The following RHEB variants were observed in gnomAD, a reference collection of about 807,000 sequenced individuals.
RHEB encodes GTP-binding protein Rheb.
In RHEB, 2 loss-of-function variants were observed where a neutral mutation model predicts 28.8. The observed-to-expected ratio is 0.07, with a 90% CI of 0.03 to 0.22. The LOEUF (loss-of-function observed/expected upper bound fraction) is 0.22. Among genes scored for constraint, RHEB ranks in the 10% least tolerant of loss-of-function variants. The pLI is 1.00. For missense variants in RHEB, 76 were observed against 219.9 expected, an observed-to-expected ratio of 0.35 and a Z score of 4.14; for synonymous variants, 69 against 77.3, an observed-to-expected ratio of 0.89 and a Z score of 0.56.
chr7:151,500,669 C>G (rs1193620062), intron 1 of RHEB, among the ~76,000 whole-genome samples: 1 of 152,058 alleles, frequency 6.6e-6, no homozygotes, highest in Non-Finnish European at 1.5e-5. Flanking sequence ...CACAGGAAGA[C>G]CAGTCTCTAC....
intron 7 of RHEB, among the ~76,000 whole-genome samples, chr7:151,470,121 T>C (rs1029091022): frequency 6.6e-6 from 1 of 152,282 alleles, no homozygotes; most frequent in Admixed American, 6.5e-5. Flanking sequence ...TAAATGCTTA[T>C]AAGATGGTTC....
chr7:151,499,708 A>G (rs956721279), intron 1 of RHEB, among the ~76,000 whole-genome samples: 2 of 152,262 alleles, frequency 1.3e-5, no homozygotes, highest in Admixed American at 6.5e-5. Context: ...TGGAAGAGTT[A>G]GTATAAAATA....
chr7:151,495,514 G>C (rs1219599939), intron 1 of RHEB, among the ~76,000 whole-genome samples: 1 of 152,162 alleles, frequency 6.6e-6, no homozygotes, highest in Admixed American at 6.5e-5. Context: ...TTCTCAGCTG[G>C]TATTTTCACT....
intron 1 of RHEB, among the ~76,000 whole-genome samples, chr7:151,499,198 A>G (rs781444595): frequency 9.9e-5 from 15 of 152,178 alleles, no homozygotes; most frequent in Non-Finnish European, 2.2e-4. Context: ...CTCTACTAAA[A>G]ATACAAAAAA....
intron 4 of RHEB, among the ~76,000 whole-genome samples, 191 bp downstream of exon 4, chr7:151,477,142 T>C (rs936074842): frequency 6.6e-6 from 1 of 152,116 alleles, no homozygotes; most frequent in Non-Finnish European, 1.5e-5. Flanking sequence ...TTTTATCCTA[T>C]TGGTGTAACT....
rs752393933 is a variant in RHEB, at chr7:151,471,486, A to G, written c.333-45T>C. ...GACAAACCAGTAAGTGCCAGATTGTATTGCTCAGAAGATACTATTAAAAGA... is the reference window on the plus strand; with the variant it reads ...GACAAACCAGTAAGTGCCAGATTGTGTTGCTCAGAAGATACTATTAAAAGA... On this transcript the variant is annotated intron_variant, in intron 5 of 7. Transcript: ENST00000262187. 4 of 1,545,148 alleles carry G rather than the reference A, an allele frequency of 2.6e-6. No individual in the cohort carries two copies. The African/African-American group carries it at 5.5e-5, about 21-fold the overall frequency.
intron 1 of RHEB, among the ~76,000 whole-genome samples, chr7:151,514,233 A>T (rs904788324): frequency 6.6e-6 from 1 of 152,276 alleles, no homozygotes; most frequent in Non-Finnish European, 1.5e-5. Context: ...CCACAAATAG[A>T]TCACAGATCT....
In RHEB at chr7:151,490,015, G is replaced by A. The variant is rs1236160594; in HGVS notation, c.124+928C>T. On this transcript the variant is annotated intron_variant, in intron 2 of 7. Coordinates refer to ENST00000262187, the MANE Select transcript of RHEB (RefSeq NM_005614.4). ...CCATGTTTAAATCTACATGTTCCTG[G>A]TGACAAATCCTAGATAAGTCCTGGT... Among the ~76,000 whole-genome samples, 4 of 152,120 alleles carry A rather than the reference G, an allele frequency of 2.6e-5. No individual in the cohort carries two copies. In the East Asian group the frequency reaches 7.7e-4, roughly 29 times the overall value.
At chr7:151,479,091 T>C (rs1802326106) in intron 3 of RHEB, among the ~76,000 whole-genome samples, 1 of 152,124 alleles carries the variant, frequency 6.6e-6, no homozygotes, top group Admixed American at 6.5e-5. Context: ...GTAGAAATCA[T>C]AAAGCTCTCA....
chr7:151,468,618 A>G lies in RHEB; in HGVS notation c.463-1407T>C, dbSNP rs915953278. Among the ~76,000 whole-genome samples the G allele has an allele frequency of 6.6e-6, 1 of 152,240 alleles. No homozygotes were observed. Among genetic ancestry groups the G allele is most frequent in the Non-Finnish European group, 1.5e-5 (1 of 68,046 alleles). ...CGCTCAGCTGAAAACCTTGTTTTAC[A>G]CACTTCACTGGAAAACAGAAGCCAC... On this transcript the variant is annotated intron_variant, in intron 7 of 7. Coordinates refer to ENST00000262187, the MANE Select transcript of RHEB (RefSeq NM_005614.4). The surrounding 1 kb of genome is among the most constrained non-coding windows in gnomAD (Gnocchi z 4.3).
At chr7:151,475,743 G>C (rs1802260074) in intron 4 of RHEB, among the ~76,000 whole-genome samples, 1 of 152,114 alleles carries the variant, frequency 6.6e-6, no homozygotes, top group South Asian at 2.1e-4. Flanking sequence ...TAAACAGGAA[G>C]AGAGATATCC....
Position 151,466,403 on chromosome 7 carries a change from G to C in RHEB, c.*716C>G, listed in dbSNP as rs1490813023. The C allele has an allele frequency of 6.6e-6, 1 of 152,328 alleles. No individual in the cohort carries two copies. Among genetic ancestry groups the C allele is most frequent in the Admixed American group, 6.5e-5 (1 of 15,288 alleles). The allele number at this position is 152,328 out of a possible 1,614,324, so 9.4% of individuals were successfully genotyped here. A position where few individuals can be genotyped will look rare whatever the true frequency, so the allele number is the denominator to read the frequency against. ...GCTCCTCCTCCTTGACCAGGCTCCC[G>C]ACCACGGAGCATTTCAGTCAAGGTC... On this transcript the variant is annotated 3_prime_UTR_variant, in exon 8 of 8. Transcript: ENST00000262187.
At chr7:151,477,458 A>T (rs1802291610) in intron 3 of RHEB, 43 bp from the exon 4 acceptor site, 1 of 1,153,486 alleles carries the variant, frequency 8.7e-7, no homozygotes, top group Non-Finnish European at 1.3e-6. Flanking sequence ...TTCATATAGC[A>T]TCACAAACAA....
chr7:151,475,933 G>A (rs937132473), intron 4 of RHEB, among the ~76,000 whole-genome samples: 2 of 152,068 alleles, frequency 1.3e-5, no homozygotes, highest in Admixed American at 1.3e-4. Context: ...CTAAAACAAA[G>A]ACCAGAAAAA....
intron 1 of RHEB, chr7:151,518,040 T>C (rs1183923732): frequency 6.6e-6 from 1 of 152,138 alleles, no homozygotes; most frequent in African/African-American, 2.4e-5. Flanking sequence ...TGTTGATATT[T>C]GAACAATTAG....
intron 7 of RHEB, 34 bp downstream of exon 7, chr7:151,470,537 C>T (rs370944743): frequency 1.4e-5 from 20 of 1,430,648 alleles, no homozygotes; most frequent in Admixed American, 1.0e-4. Context: ...CTGATGAGAA[C>T]GCAATGCAAA....
At chr7:151,490,799 T>C in intron 2 of RHEB, 144 bp downstream of exon 2, 1 of 718,470 alleles carries the variant, frequency 1.4e-6, no homozygotes, top group Non-Finnish European at 2.5e-6. Flanking sequence ...GTAAAGTAGG[T>C]AAATCTTTTG....
intron 6 of RHEB, among the ~76,000 whole-genome samples, chr7:151,470,977 G>A (rs549479339): frequency 3.0e-4 from 45 of 152,346 alleles, no homozygotes; most frequent in Middle Eastern, 3.4e-3. Flanking sequence ...CCAAGGCCAG[G>A]GGAAATTGTG....
chr7:151,476,530 C>CA (rs1355199583), intron 4 of RHEB, among the ~76,000 whole-genome samples: 8 of 152,208 alleles, frequency 5.3e-5, no homozygotes, highest in African/African-American at 1.9e-4. Context: ...CTCTGTCACT[C>CA]AGTTTCTTTC....
Sources: allele counts gnomAD v4.1 joint callset (sites outside exome capture counted in the v4.1 genomes callset), GRCh38; gene constraint gnomAD v4.1.1; non-coding constraint Gnocchi (gnomAD v3.1); transcripts MANE v1.5; gene names NCBI Gene and HGNC (gene_info 2026-07-23, HGNC 2026-07-21).